The following GNAL variants were observed in gnomAD, a reference collection of about 807,000 sequenced individuals.
The protein encoded by GNAL is G protein subunit alpha L, also known as guanine nucleotide-binding protein G(olf) subunit alpha.
GNAL carries 18 observed loss-of-function variants against 55.1 expected under a neutral mutation model. The ratio of observed to expected loss-of-function variants is 0.33; its 90% CI spans 0.23 to 0.48. The LOEUF (loss-of-function observed/expected upper bound fraction) is 0.48. Among genes scored for constraint, GNAL ranks in the 20% least tolerant of loss-of-function variants. GNAL has a pLI of 0.99. For missense variants in GNAL, 412 were observed against 614.1 expected (o/e 0.67, Z 3.48); for synonymous variants, 253 against 237.0 (o/e 1.07, Z -0.62).
chr18:11,788,904 A>AT (rs1555650619), intron 4 of GNAL, among the ~76,000 whole-genome samples: 1 of 79,680 alleles, frequency 1.3e-5, no homozygotes, highest in South Asian at 4.8e-4. Flanking sequence ...CTCGAAAAAA[A>AT]AAAAAAAAAA....
At chr18:11,700,166 GC>G (rs2031524978) in intron 1 of GNAL, among the ~76,000 whole-genome samples, 1 of 152,220 alleles carries the variant, frequency 6.6e-6, no homozygotes, top group Non-Finnish European at 1.5e-5. Flanking sequence ...CTTCTAATGA[GC>G]CCGTTTAGGG....
Position 11,880,128 on chromosome 18 carries a change from A to G in GNAL, c.1231-861A>G, listed in dbSNP as rs543939528. ...AAAAAGTAGCCAGGCGTGGTGGCGCACGCCTGTAATCCCAGCTACTCAGGA... is the reference window on the plus strand; with the variant it reads ...AAAAAGTAGCCAGGCGTGGTGGCGCGCGCCTGTAATCCCAGCTACTCAGGA... On this transcript the variant is annotated intron_variant, in intron 11 of 11. Coordinates refer to ENST00000334049, the MANE Select transcript of GNAL (RefSeq NM_182978.4). 5.4e-4 allele frequency among the ~76,000 whole-genome samples: 80 copies of G among 147,648 alleles called. 4 individuals are homozygous for G. Among genetic ancestry groups the G allele is most frequent in the South Asian group, 2.2e-3 (9 of 4,160 alleles).
intron 1 of GNAL, among the ~76,000 whole-genome samples, chr18:11,743,860 G>A (rs2032631738): frequency 6.6e-6 from 1 of 152,088 alleles, no homozygotes; most frequent in South Asian, 2.1e-4. Flanking sequence ...GAGGTGTGTG[G>A]TTTCTCTTAA....
chr18:11,702,845 C>T (rs1301947080), intron 1 of GNAL, among the ~76,000 whole-genome samples: 5 of 150,500 alleles, frequency 3.3e-5, no homozygotes, highest in South Asian at 2.1e-4. Flanking sequence ...TAGCCCGGTG[C>T]GATGGCTCAC....
chr18:11,732,140 T>C (rs1382711904), intron 1 of GNAL, among the ~76,000 whole-genome samples: 3 of 152,252 alleles, frequency 2.0e-5, no homozygotes, highest in Non-Finnish European at 4.4e-5. Flanking sequence ...GCTATGGACA[T>C]TTGTGTACAG....
chr18:11,762,393 A>G (rs939262302), intron 4 of GNAL, among the ~76,000 whole-genome samples: 3 of 152,190 alleles, frequency 2.0e-5, no homozygotes, highest in African/African-American at 7.2e-5. Flanking sequence ...CATATTATCC[A>G]TCTTGTGGAC....
At chr18:11,851,242 C>A (rs1395577139) in intron 5 of GNAL, among the ~76,000 whole-genome samples, 1 of 152,252 alleles carries the variant, frequency 6.6e-6, no homozygotes, top group Non-Finnish European at 1.5e-5. Context: ...AGCGAGCGTT[C>A]CCCGCCGCAG....
chr18:11,836,604 C>T (rs2035503561), intron 5 of GNAL, among the ~76,000 whole-genome samples: 1 of 152,212 alleles, frequency 6.6e-6, no homozygotes, highest in African/African-American at 2.4e-5. Context: ...AATCCTCACA[C>T]TAACCCAATG....
At chr18:11,774,572 A>G (rs184759350) in intron 4 of GNAL, among the ~76,000 whole-genome samples, 2 of 152,290 alleles carry the variant, frequency 1.3e-5, no homozygotes, top group East Asian at 1.9e-4. Context: ...AACTGCAGCA[A>G]TCTTATGGGT....
chr18:11,716,034 G>A lies in GNAL; in HGVS notation c.376+26095G>A, dbSNP rs543551642. Among the ~76,000 whole-genome samples the A allele has an allele frequency of 2.8e-4, 43 of 152,250 alleles. No individual in the cohort carries two copies. The South Asian group carries it at 7.9e-3, about 28-fold the overall frequency. On this transcript the variant is annotated intron_variant, in intron 1 of 11. Transcript: ENST00000334049. Reference sequence around the variant, plus strand: ...GGTAAGGTTGTGGAGAAAAAGGAACGCTTATACACTGTTGGTGGGAGTGTA... The same window carrying A: ...GGTAAGGTTGTGGAGAAAAAGGAACACTTATACACTGTTGGTGGGAGTGTA...
At chr18:11,875,173 G>C (rs2036501934) in intron 10 of GNAL, among the ~76,000 whole-genome samples, 1 of 152,148 alleles carries the variant, frequency 6.6e-6, no homozygotes, top group African/African-American at 2.4e-5. Flanking sequence ...GCTGATGGAA[G>C]CTGAGAGGCA....
In GNAL at chr18:11,693,741, C is replaced by CTT. The variant is rs576637274; in HGVS notation, c.376+3820_376+3821dup. The stretch of plus-strand genomic sequence containing the variant: ...GAAGGTGCACTTGCTCCAGCAGTGT[C>CTT]TTTTTTTTTTTTTTTTTTTAATCCC... On this transcript the variant is annotated intron_variant, in intron 1 of 11. Coordinates refer to ENST00000334049, the MANE Select transcript of GNAL (RefSeq NM_182978.4). 8.0e-4 allele frequency among the ~76,000 whole-genome samples: 89 copies of CTT among 110,966 alleles called. 3 individuals carry two copies. Among genetic ancestry groups the CTT allele is most frequent in the African/African-American group, 2.6e-3 (80 of 30,308 alleles). The allele number at this position is 110,966 out of a possible 152,430, so 72.8% of individuals were successfully genotyped here. A position where few individuals can be genotyped will look rare whatever the true frequency, so the allele number is the denominator to read the frequency against.
At chr18:11,771,084 G>C (rs2033618134) in intron 4 of GNAL, among the ~76,000 whole-genome samples, 1 of 151,964 alleles carries the variant, frequency 6.6e-6, no homozygotes, top group African/African-American at 2.4e-5. Flanking sequence ...CAGGCGTGGT[G>C]GCAGGCCTCT....
chr18:11,754,813 C>T (rs1309300486), intron 4 of GNAL, among the ~76,000 whole-genome samples: 1 of 151,144 alleles, frequency 6.6e-6, no homozygotes, highest in Non-Finnish European at 1.5e-5. Context: ...TTCCTAATCA[C>T]TTGGATGGCA....
chr18:11,790,651 C>CTTTTTTTTTTTTTTTTTTTTTTTT (rs1232488173), intron 4 of GNAL, among the ~76,000 whole-genome samples: 2 of 83,356 alleles, frequency 2.4e-5, no homozygotes, highest in East Asian at 2.9e-4. Flanking sequence ...CTTTTCTTTT[C>CTTTTTTTTTTTTTTTTTTTTTTTT]TTTTTTTTTC....
chr18:11,810,221 T>C (rs1169439080), intron 4 of GNAL, among the ~76,000 whole-genome samples: 1 of 152,178 alleles, frequency 6.6e-6, no homozygotes, highest in African/African-American at 2.4e-5. Context: ...AGCGAGAACC[T>C]GTCTCTACTA....
At chr18:11,695,708 T>G (rs983431420) in intron 1 of GNAL, among the ~76,000 whole-genome samples, 1 of 152,374 alleles carries the variant, frequency 6.6e-6, no homozygotes, top group Middle Eastern at 3.4e-3. Context: ...TAGATAGGAT[T>G]TGTCTTTTTT....
intron 4 of GNAL, among the ~76,000 whole-genome samples, chr18:11,798,780 A>G (rs192033572): frequency 1.6e-3 from 249 of 152,276 alleles, no homozygotes; most frequent in African/African-American, 5.7e-3. Flanking sequence ...ACAATAAAAT[A>G]TGGGTGCTCA....
intron 1 of GNAL, among the ~76,000 whole-genome samples, chr18:11,715,566 AT>A (rs1303389448): frequency 6.6e-6 from 1 of 152,070 alleles, no homozygotes; most frequent in African/African-American, 2.4e-5. Flanking sequence ...GAAAGTGGAC[AT>A]TTTAGCCAGG....
Sources: allele counts gnomAD v4.1 joint callset (sites outside exome capture counted in the v4.1 genomes callset), GRCh38; gene constraint gnomAD v4.1.1; transcripts MANE v1.5; gene names NCBI Gene and HGNC (gene_info 2026-07-23, HGNC 2026-07-21).